SMCO4: variants seen among roughly 807,000 people sequenced by gnomAD.
SMCO4 encodes the protein single-pass membrane and coiled-coil domain-containing protein 4.
A neutral mutation model predicts 3.6 loss-of-function variants in SMCO4; 4 were observed. That is an observed-to-expected ratio of 1.11 (90% CI 0.54 to 2.53). SMCO4 has a LOEUF of 2.53. Among genes scored for constraint, SMCO4 ranks in the 30% most tolerant of loss-of-function variants. The pLI is 0.02. For synonymous variants in SMCO4, 36 were observed against 35.3 expected, an observed-to-expected ratio of 1.02 and a Z score of -0.07; for missense variants, 70 against 80.8, an observed-to-expected ratio of 0.87 and a Z score of 0.51.
chr11:93,479,191 T>C lies in SMCO4; in HGVS notation c.-2A>G, dbSNP rs1370176387. 1.2e-6 allele frequency: 2 copies of C among 1,613,374 alleles called. No homozygotes were observed. Among genetic ancestry groups the C allele is most frequent in the African/African-American group, 2.7e-5 (2 of 74,904 alleles). ...GGGCTTCCCTTTGAGCTGCCGCATC[T>C]TTCCTAGAGGATGCTAGGAGGGTGT... On this transcript the variant is annotated 5_prime_UTR_variant, in exon 3 of 3. Transcript: ENST00000298966.
At chr11:93,488,066 A>T (rs763430053) in intron 2 of SMCO4, among the ~76,000 whole-genome samples, 3 of 152,280 alleles carry the variant, frequency 2.0e-5, no homozygotes, top group Non-Finnish European at 4.4e-5. Context: ...AGCATGTGTC[A>T]GATGATGCTA....
chr11:93,512,584 T>G (rs1341151994), intron 1 of SMCO4, among the ~76,000 whole-genome samples: 1 of 152,240 alleles, frequency 6.6e-6, no homozygotes, highest in East Asian at 1.9e-4. Context: ...ACACAAATGC[T>G]TACCATTGTG....
intron 1 of SMCO4, among the ~76,000 whole-genome samples, chr11:93,512,412 A>G (rs888652600): frequency 1.8e-4 from 27 of 152,184 alleles, no homozygotes; most frequent in African/African-American, 6.3e-4. Context: ...AAGAGTGTAC[A>G]ATGATGTCCC....
At chr11:93,534,658 A>G (rs928120768) in intron 1 of SMCO4, among the ~76,000 whole-genome samples, 1 of 152,088 alleles carries the variant, frequency 6.6e-6, no homozygotes, top group Non-Finnish European at 1.5e-5. Flanking sequence ...CAGTCCCTTC[A>G]TCTCCCAAGG....
upstream of SMCO4, among the ~76,000 whole-genome samples, chr11:93,545,645 C>T (rs1949311551): frequency 1.3e-5 from 2 of 149,586 alleles, no homozygotes; most frequent in African/African-American, 4.9e-5. Context: ...AAGTGTCATC[C>T]TTTATAGGTT....
At chr11:93,514,247 A>C (rs1948984223) in intron 1 of SMCO4, among the ~76,000 whole-genome samples, 1 of 151,972 alleles carries the variant, frequency 6.6e-6, no homozygotes, top group African/African-American at 2.4e-5. Context: ...GGCAAAAATT[A>C]GTCTACAAAG....
chr11:93,521,184 T>C (rs1949055179), intron 1 of SMCO4, among the ~76,000 whole-genome samples: 1 of 152,166 alleles, frequency 6.6e-6, no homozygotes, highest in Admixed American at 6.5e-5. Context: ...GTTGCAACAT[T>C]CACTTCCTTT....
intron 1 of SMCO4, among the ~76,000 whole-genome samples, chr11:93,511,083 A>T (rs1358784283): frequency 6.6e-6 from 1 of 152,156 alleles, no homozygotes; most frequent in African/African-American, 2.4e-5. Context: ...TGAGAGACAG[A>T]GCAAGACTCC....
At chr11:93,484,172 GGTCCCC>G (rs1565372227) in intron 2 of SMCO4, among the ~76,000 whole-genome samples, 1 of 152,196 alleles carries the variant, frequency 6.6e-6, no homozygotes, top group African/African-American at 2.4e-5. Flanking sequence ...CACTCCAAAT[GGTCCCC>G]AGTATGTGTG....
At chr11:93,529,314 G>C (rs1437519972) in intron 1 of SMCO4, among the ~76,000 whole-genome samples, 1 of 152,128 alleles carries the variant, frequency 6.6e-6, no homozygotes, top group African/African-American at 2.4e-5. Context: ...ATTTTGGATG[G>C]GTGTGTTTTG....
chr11:93,524,584 A>C (rs1003951338), intron 1 of SMCO4, among the ~76,000 whole-genome samples: 1 of 152,132 alleles, frequency 6.6e-6, no homozygotes, highest in African/African-American at 2.4e-5. Context: ...CTCCACAAAC[A>C]CAAATGACCT....
chr11:93,492,756 T>C (rs557326898), intron 2 of SMCO4, among the ~76,000 whole-genome samples: 16 of 152,064 alleles, frequency 1.1e-4, no homozygotes, highest in African/African-American at 2.4e-4. Flanking sequence ...GCAGAACGAG[T>C]TGATGAACGA....
chr11:93,478,780 G>T lies in SMCO4; in HGVS notation c.*230C>A. ...GCGCGCGCGCTTTGAAGTCTGAAAG[G>T]CACATGAAGTGGACCATAAGGTGTA... On this transcript the variant is annotated 3_prime_UTR_variant, in exon 3 of 3. Coordinates refer to ENST00000298966, the MANE Select transcript of SMCO4 (RefSeq NM_020179.3). The T allele has an allele frequency of 8.1e-7, 1 of 1,240,820 alleles. No individual in the cohort carries two copies. 76.9% of individuals were successfully genotyped at this position (1,240,820 alleles called of 1,614,324 possible).
intron 1 of SMCO4, among the ~76,000 whole-genome samples, chr11:93,521,604 C>T (rs912305995): frequency 2.6e-5 from 4 of 152,312 alleles, no homozygotes; most frequent in Non-Finnish European, 4.4e-5. Flanking sequence ...CTATCACACT[C>T]GGTGTCTTTC....
chr11:93,517,734 A>G (rs1224869847), intron 1 of SMCO4, among the ~76,000 whole-genome samples: 1 of 152,212 alleles, frequency 6.6e-6, no homozygotes, highest in Non-Finnish European at 1.5e-5. Context: ...TTACAGAAGA[A>G]AAAACAGGCT....
chr11:93,478,927 T>C lies in SMCO4; in HGVS notation c.*83A>G, dbSNP rs1271763973. 6.7e-7 allele frequency: 1 copy of C among 1,498,428 alleles called. No individual in the cohort carries two copies. The highest frequency in any genetic ancestry group is 2.4e-5 in the East Asian group (1 of 41,832). The allele number at this position is 1,498,428 out of a possible 1,614,324, so 92.8% of individuals were successfully genotyped here. A position where few individuals can be genotyped will look rare whatever the true frequency, so the allele number is the denominator to read the frequency against. On this transcript the variant is annotated 3_prime_UTR_variant, in exon 3 of 3. Coordinates refer to ENST00000298966, the MANE Select transcript of SMCO4 (RefSeq NM_020179.3). ...TACAGCTCAGCAACATGAACATCTC[T>C]GAATATGAAAGCCATTTTTTGTTTG...
At chr11:93,547,161 A>G (rs1591335653), upstream of SMCO4, among the ~76,000 whole-genome samples, 1 of 152,054 alleles carries the variant, frequency 6.6e-6, no homozygotes, top group South Asian at 2.1e-4. Flanking sequence ...CCTAACAGAC[A>G]CCTTGTTGAG....
At chr11:93,541,575 G>C (rs1278681858) in intron 1 of SMCO4, among the ~76,000 whole-genome samples, 1 of 152,120 alleles carries the variant, frequency 6.6e-6, no homozygotes, top group Non-Finnish European at 1.5e-5. Flanking sequence ...TCCACTCCAA[G>C]CTTGAAGATT....
chr11:93,486,480 T>C (rs1948652022), intron 2 of SMCO4, among the ~76,000 whole-genome samples: 1 of 152,154 alleles, frequency 6.6e-6, no homozygotes, highest in African/African-American at 2.4e-5. Flanking sequence ...GCAGGTAAAG[T>C]CTGTTGCTTA....
Sources: gnomAD v4.1 joint callset for allele counts (sites outside exome capture counted in the v4.1 genomes callset) on GRCh38, gnomAD v4.1.1 for gene constraint, MANE v1.5 for transcripts, NCBI Gene and HGNC (gene_info 2026-07-23, HGNC 2026-07-21) for gene names.